The following SLC6A15 variants were observed in gnomAD, a reference collection of about 807,000 sequenced individuals.
SLC6A15 encodes sodium-dependent neutral amino acid transporter B(0)AT2.
SLC6A15 carries 33 observed loss-of-function variants against 68.5 expected under a neutral mutation model. The observed-to-expected ratio is 0.48, with a 90% CI of 0.37 to 0.64. SLC6A15 has a LOEUF of 0.64. Ranked by LOEUF, SLC6A15 falls within the 30% of genes least tolerant of loss-of-function variation. SLC6A15 has a pLI of 0.00. For synonymous variants in SLC6A15, 347 were observed against 301.0 expected (o/e 1.15, Z -1.58); for missense variants, 747 against 874.3 (o/e 0.85, Z 1.84).
rs184254843 is a variant in SLC6A15, at chr12:84,885,823, C to T, written c.447+88G>A. ...ACATAGTAAAAGAGTTGTTTATTAA[C>T]ACACACTCCAAAGTTTCATTTAAAT... On this transcript the variant is annotated intron_variant, in intron 3 of 11. Transcript: ENST00000266682. The T allele has an allele frequency of 6.4e-5, 84 of 1,321,220 alleles. No homozygotes were observed. In the African/African-American group the frequency reaches 1.2e-3, roughly 18 times the overall value. 81.8% of individuals were successfully genotyped at this position (1,321,220 alleles called of 1,614,324 possible).
At chr12:84,863,903 T>C (rs1313970326) in intron 10 of SLC6A15, among the ~76,000 whole-genome samples, 2 of 151,780 alleles carry the variant, frequency 1.3e-5, no homozygotes, top group Admixed American at 1.3e-4. Context: ...TTTTTAGTAA[T>C]ACAAGTAATA....
At chr12:84,899,547 C>CAA (rs1872764671) in intron 1 of SLC6A15, among the ~76,000 whole-genome samples, 1 of 152,078 alleles carries the variant, frequency 6.6e-6, no homozygotes, top group Non-Finnish European at 1.5e-5. Flanking sequence ...ATTTCATTGC[C>CAA]AAGCATCCCA....
At chr12:84,896,732 A>G (rs1242643352) in intron 1 of SLC6A15, among the ~76,000 whole-genome samples, 2 of 152,250 alleles carry the variant, frequency 1.3e-5, no homozygotes, top group African/African-American at 4.8e-5. Context: ...AGACATATAC[A>G]GAATATAAAT....
Position 84,876,493 on chromosome 12 carries a change from A to T in SLC6A15, c.867+4T>A. On this transcript the variant is annotated splice_donor_region_variant and intron_variant, in intron 6 of 11. Transcript: ENST00000266682. The stretch of plus-strand genomic sequence containing the variant: ...TAAGCCTTAAATAGAAATATGGTAC[A>T]TACCTTAGGGGTAAACATGTGGCGA... 5.4e-6 allele frequency: 8 copies of T among 1,469,782 alleles called. No individual in the cohort carries two copies. The highest frequency in any genetic ancestry group is 7.5e-6 in the Non-Finnish European group (8 of 1,066,310). The allele number at this position is 1,469,782 out of a possible 1,614,324, so 91.0% of individuals were successfully genotyped here.
intron 1 of SLC6A15, among the ~76,000 whole-genome samples, chr12:84,908,938 G>T (rs1014812307): frequency 2.0e-5 from 3 of 151,850 alleles, no homozygotes; most frequent in African/African-American, 7.3e-5. Flanking sequence ...CCTTGGTATG[G>T]TATACCATAT....
rs1036254593 is a variant in SLC6A15 at position 84,872,704 on chromosome 12, T to C, written c.1200A>G (p.Ala400=). 20 of 1,612,996 alleles carry C rather than the reference T, an allele frequency of 1.2e-5. No individual in the cohort carries two copies. The highest frequency in any genetic ancestry group is 3.4e-4 in the Middle Eastern group (2 of 5,938). Residue 400 remains alanine (A), a synonymous_variant, in exon 8 of 12, where the codon GCA becomes GCG. Coordinates refer to ENST00000266682, the MANE Select transcript of SLC6A15 (RefSeq NM_182767.6). ...PHHINLSTVT[A]EDYHLVYDII... ...TGTCATAAACTAAATGATAATCTTC[T>C]GCAGTAACAGTTGAAAGGTTGATAT...
rs1367900010 is a variant in SLC6A15 at position 84,867,182 on chromosome 12, G to A, written c.1507C>T (p.Leu503Phe). The part of the protein sequence containing the change: ...RKEILTVICC[L>F]LAFCIGLIFV... ...ATCAGGCCAATACAAAATGCCAGAA[G>A]ACAACAGATAACTAGACAAAAGAAA... Residue 503 changes from leucine (L) to phenylalanine (F), a missense_variant, in exon 10 of 12, where the codon CTT becomes TTT. Coordinates refer to ENST00000266682, the MANE Select transcript of SLC6A15 (RefSeq NM_182767.6). The A allele has an allele frequency of 9.4e-6, 15 of 1,597,946 alleles. No homozygotes were observed. The highest frequency in any genetic ancestry group is 1.3e-5 in the Non-Finnish European group (15 of 1,173,104).
chr12:84,885,991 G>C lies in SLC6A15; in HGVS notation c.367C>G (p.Gln123Glu). 6.2e-7 allele frequency: 1 copy of C among 1,612,680 alleles called. No homozygotes were observed. ...PLFFLELSVG[Q>E]RIRRGSIGVW... ...CCAATGCTGCCTCGCCGAATTCTTT[G>C]ACCCACAGAGAGTTCCAAGAAAAAA... The change falls in exon 3 of 12, where the codon CAA (glutamine) becomes GAA (glutamate). Residue 123 changes from glutamine (Q) to glutamate (E), a missense_variant. Gln to Glu is a conservative substitution (Grantham distance 29). Coordinates refer to ENST00000266682, the MANE Select transcript of SLC6A15 (RefSeq NM_182767.6).
At chr12:84,872,936 C>T in intron 7 of SLC6A15, 142 bp from the exon 8 acceptor site, 1 of 1,218,582 alleles carries the variant, frequency 8.2e-7, no homozygotes, top group Non-Finnish European at 1.1e-6. Flanking sequence ...ATGACTATCC[C>T]ATTTACCCAG....
chr12:84,874,462 T>C (rs1179423578), intron 6 of SLC6A15: 2 of 152,188 alleles, frequency 1.3e-5, no homozygotes, highest in Non-Finnish European at 2.9e-5. Context: ...ATTAACTGAT[T>C]CTTAGGAAGG....
At chr12:84,871,870 C>T (rs891478719) in intron 8 of SLC6A15, among the ~76,000 whole-genome samples, 6 of 152,024 alleles carry the variant, frequency 3.9e-5, no homozygotes, top group Admixed American at 3.3e-4. Flanking sequence ...AGAACTTCAT[C>T]GGTTGGGCAC....
intron 1 of SLC6A15, among the ~76,000 whole-genome samples, chr12:84,910,901 G>C (rs1873404286): frequency 6.8e-6 from 1 of 146,714 alleles, no homozygotes; most frequent in Non-Finnish European, 1.5e-5. Context: ...CAGAAAGCCT[G>C]AATTTGCTGT....
chr12:84,889,939 T>G (rs188224722), intron 2 of SLC6A15, among the ~76,000 whole-genome samples: 1 of 152,170 alleles, frequency 6.6e-6, no homozygotes, highest in African/African-American at 2.4e-5. Flanking sequence ...AACTTTATAT[T>G]GACTCTATTA....
chr12:84,862,687 CAG>C (rs368371838), intron 11 of SLC6A15, among the ~76,000 whole-genome samples: 53 of 152,208 alleles, frequency 3.5e-4, no homozygotes, highest in African/African-American at 1.2e-3. Context: ...AAAATTATAA[CAG>C]AACTTTACTT....
Position 84,859,789 on chromosome 12 carries a change from C to T in SLC6A15, c.*1843G>A, listed in dbSNP as rs897543547. 2.0e-5 allele frequency: 3 copies of T among 152,042 alleles called. No individual in the cohort carries two copies. The highest frequency in any genetic ancestry group is 4.4e-5 in the Non-Finnish European group (3 of 67,900). 9.4% of individuals were successfully genotyped at this position (152,042 alleles called of 1,614,324 possible). A position where few individuals can be genotyped will look rare whatever the true frequency, so the allele number is the denominator to read the frequency against. On this transcript the variant is annotated 3_prime_UTR_variant, in exon 12 of 12. Coordinates refer to ENST00000266682, the MANE Select transcript of SLC6A15 (RefSeq NM_182767.6). Reference sequence around the variant, plus strand: ...TTTGTGAATATTCATACATAAAATGCTGTCCAAAATAAATTATTCACAGAA... The same window carrying T: ...TTTGTGAATATTCATACATAAAATGTTGTCCAAAATAAATTATTCACAGAA...
At chr12:84,889,476 A>C (rs1465076592) in intron 2 of SLC6A15, among the ~76,000 whole-genome samples, 1 of 151,384 alleles carries the variant, frequency 6.6e-6, no homozygotes, top group Non-Finnish European at 1.5e-5. Context: ...GCTGGGCAAA[A>C]GAGCAAGACT....
chr12:84,871,903 A>G (rs1291445966), intron 8 of SLC6A15, among the ~76,000 whole-genome samples: 1 of 152,178 alleles, frequency 6.6e-6, no homozygotes, highest in African/African-American at 2.4e-5. Context: ...CTGTAATCAC[A>G]GCACTTTGGG....
chr12:84,876,586 A>G lies in SLC6A15; in HGVS notation c.778T>C (p.Phe260Leu). The G allele has an allele frequency of 6.4e-7, 1 of 1,570,298 alleles. No individual in the cohort carries two copies. Residue 260 changes from phenylalanine to leucine, a missense_variant, in exon 6 of 12, where the codon TTT becomes CTT. Transcript: ENST00000266682. ...AAGCAAATAAGTACCACATATGGAAACAGAGAACTAAAATATATGATCTGC... is the reference window on the plus strand; with the variant it reads ...AAGCAAATAAGTACCACATATGGAAGCAGAGAACTAAAATATATGATCTGC... ...SGKIIYFSSL[F>L]PYVVLICFLI...
rs1216012688 is a variant in SLC6A15 at position 84,885,624 on chromosome 12, A to G, written c.448-63T>C. ...CCTCTTCCATTAAAAGAATGAGATC[A>G]AATGCATAAAATTTTATTTAACATT... On this transcript the variant is annotated intron_variant, in intron 3 of 11. Coordinates refer to ENST00000266682, the MANE Select transcript of SLC6A15 (RefSeq NM_182767.6). 3 of 1,447,324 alleles carry G rather than the reference A, an allele frequency of 2.1e-6. No homozygotes were observed. The African/African-American group carries it at 4.3e-5, about 21-fold the overall frequency. The allele number at this position is 1,447,324 out of a possible 1,614,324, so 89.7% of individuals were successfully genotyped here. A position where few individuals can be genotyped will look rare whatever the true frequency, so the allele number is the denominator to read the frequency against.
Sources: allele counts gnomAD v4.1 joint callset (sites outside exome capture counted in the v4.1 genomes callset), GRCh38; gene constraint gnomAD v4.1.1; transcripts MANE v1.5; gene names NCBI Gene and HGNC (gene_info 2026-07-23, HGNC 2026-07-21).